RAF1: variants seen among roughly 807,000 people sequenced by gnomAD.
RAF1 encodes the protein RAF proto-oncogene serine/threonine-protein kinase.
Under a neutral mutation model 81.1 loss-of-function variants are expected in RAF1, and 27 were observed. That is an observed-to-expected ratio of 0.33 (90% CI 0.25 to 0.46). The LOEUF (loss-of-function observed/expected upper bound fraction) is 0.46, where lower values mean the gene tolerates loss of function less well. Among genes scored for constraint, RAF1 ranks in the 20% least tolerant of loss-of-function variants. The pLI is 1.00. For synonymous variants in RAF1, 298 were observed against 294.0 expected (o/e 1.01, Z -0.14); for missense variants, 598 against 826.0 (o/e 0.72, Z 3.38).
chr3:12,661,493 G>C (rs542859997), intron 1 of RAF1, among the ~76,000 whole-genome samples: 2 of 151,800 alleles, frequency 1.3e-5, no homozygotes, highest in African/African-American at 2.4e-5. Context: ...GATCTCTTGC[G>C]GTCAGGAGTT....
In RAF1 at chr3:12,584,117, T is replaced by G. The variant is rs979440304; in HGVS notation, c.*397A>C. 3.0e-6 allele frequency: 1 copy of G among 330,188 alleles called. No individual in the cohort carries two copies. Among genetic ancestry groups the G allele is most frequent in the African/African-American group, 2.0e-5 (1 of 49,170 alleles). The allele number at this position is 330,188 out of a possible 1,614,324, so 20.5% of individuals were successfully genotyped here. A position where few individuals can be genotyped will look rare whatever the true frequency, so the allele number is the denominator to read the frequency against. ...CTGTGACATGCATTCCTCCAGAAGC[T>G]GATTTCCAAAATCCCATGTGTCTCC... On this transcript the variant is annotated 3_prime_UTR_variant, in exon 18 of 18. Transcript: ENST00000442415.
chr3:12,653,429 T>C (rs1480680867), intron 1 of RAF1, among the ~76,000 whole-genome samples: 1 of 152,210 alleles, frequency 6.6e-6, no homozygotes, highest in Non-Finnish European at 1.5e-5. Flanking sequence ...GTCTCTCCAG[T>C]ACATTTCCTA....
intron 11 of RAF1, among the ~76,000 whole-genome samples, chr3:12,594,957 T>C (rs74660973): frequency 1.6e-3 from 237 of 152,322 alleles, no homozygotes; most frequent in Admixed American, 2.8e-3. Context: ...ATTCCCCTCA[T>C]TTACATATAA....
At chr3:12,642,224 G>T (rs1167870552) in intron 1 of RAF1, among the ~76,000 whole-genome samples, 3 of 151,630 alleles carry the variant, frequency 2.0e-5, no homozygotes, top group Admixed American at 6.6e-5. Flanking sequence ...GCTGAAGCGG[G>T]TGGATCATGA....
At chr3:12,613,401 C>A (rs2059275621) in intron 2 of RAF1, among the ~76,000 whole-genome samples, 1 of 152,038 alleles carries the variant, frequency 6.6e-6, no homozygotes, top group Non-Finnish European at 1.5e-5. Flanking sequence ...AGCCAGCCAA[C>A]CGCTCCCCCA....
chr3:12,615,668 G>A (rs2059348607), intron 2 of RAF1, among the ~76,000 whole-genome samples: 1 of 152,164 alleles, frequency 6.6e-6, no homozygotes, highest in Non-Finnish European at 1.5e-5. Context: ...CTTCTCATAA[G>A]CTGTAGGAGA....
chr3:12,600,185 T>G lies in RAF1; in HGVS notation c.1017A>C (p.Ala339=). 6.2e-7 allele frequency: 1 copy of G among 1,614,176 alleles called. No individual in the cohort carries two copies. The stretch of plus-strand genomic sequence containing the variant: ...TTTTCTCCTGGGTCCCAGATACTGG[T>G]GCCCGCTCTCTTTGTGCTGGCACGG... The change falls in exon 10 of 18, where the codon GCA becomes GCC. Residue 339 remains alanine (A), a synonymous_variant. Transcript: ENST00000442415.
chr3:12,653,981 C>CTTTTCT (rs1186071156), intron 1 of RAF1, among the ~76,000 whole-genome samples: 1 of 150,910 alleles, frequency 6.6e-6, no homozygotes, highest in Non-Finnish European at 1.5e-5. Context: ...GACTATTCAT[C>CTTTTCT]TTTTCTTTTT....
chr3:12,616,521 G>A (rs986690650), intron 2 of RAF1, among the ~76,000 whole-genome samples: 5 of 152,182 alleles, frequency 3.3e-5, no homozygotes, highest in Non-Finnish European at 5.9e-5. Context: ...TTTTTAGGAA[G>A]AGAGACAAAG....
At chr3:12,633,375 G>A (rs971928862) in intron 1 of RAF1, among the ~76,000 whole-genome samples, 2 of 151,668 alleles carry the variant, frequency 1.3e-5, no homozygotes, top group African/African-American at 4.8e-5. Context: ...CCCAGGTATA[G>A]GCTGAGGTGG....
At chr3:12,585,009 T>TG (rs750986651) in intron 16 of RAF1, 28 bp from the exon 16 acceptor site, 15 of 1,613,874 alleles carry the variant, frequency 9.3e-6, no homozygotes, top group East Asian at 4.5e-5. Context: ...GCTGAGCTAA[T>TG]GGGGGGTGAA....
intron 2 of RAF1, among the ~76,000 whole-genome samples, chr3:12,617,878 CA>C (rs1263362287): frequency 7.1e-4 from 64 of 90,076 alleles, no homozygotes; most frequent in Non-Finnish European, 1.2e-3. Context: ...GAATCCGTCT[CA>C]AAAAAAAAAA....
chr3:12,639,277 C>CAAAAACTGGAA (rs2060116733), intron 1 of RAF1, among the ~76,000 whole-genome samples: 1 of 152,096 alleles, frequency 6.6e-6, no homozygotes, highest in Non-Finnish European at 1.5e-5. Flanking sequence ...ACTGAATGGG[C>CAAAAACTGGAA]AAAAACTGGA....
intron 4 of RAF1, 139 bp from the exon 5 acceptor site, chr3:12,609,062 G>C (rs2125418095): frequency 8.7e-7 from 1 of 1,148,796 alleles, no homozygotes; most frequent in Admixed American, 2.0e-5. Context: ...TCACAAATTA[G>C]AGTATATCTC....
chr3:12,620,397 A>G (rs1009325519), intron 1 of RAF1, among the ~76,000 whole-genome samples: 1 of 152,126 alleles, frequency 6.6e-6, no homozygotes, highest in Non-Finnish European at 1.5e-5. Context: ...CTCCCAAATC[A>G]CGCCTGGGAT....
In RAF1 at chr3:12,623,516, G is replaced by A. The variant is rs1349604424; in HGVS notation, c.-26-4769C>T. Reference sequence around the variant, plus strand: ...CTTACAGCTTAAGAGGCAGGCTAAGGGTTGGGTGCGGGGGCTCACGCCTGT... The same window carrying A: ...CTTACAGCTTAAGAGGCAGGCTAAGAGTTGGGTGCGGGGGCTCACGCCTGT... On this transcript the variant is annotated intron_variant, in intron 1 of 17. Transcript: ENST00000442415. 4.0e-5 allele frequency among the ~76,000 whole-genome samples: 6 copies of A among 151,056 alleles called. No homozygotes were observed. In the East Asian group the frequency reaches 9.9e-4, roughly 25 times the overall value.
At chr3:12,618,796 C>T in intron 1 of RAF1, 49 bp from the exon 2 acceptor site, 3 of 1,372,590 alleles carry the variant, frequency 2.2e-6, no homozygotes, top group South Asian at 2.4e-5. Context: ...AGTATTCAAC[C>T]CAAGAACACA....
chr3:12,637,991 C>T (rs1347574662), intron 1 of RAF1, among the ~76,000 whole-genome samples: 1 of 152,176 alleles, frequency 6.6e-6, no homozygotes, highest in African/African-American at 2.4e-5. Context: ...ACCCATCAAA[C>T]AGGACCTCCC....
intron 1 of RAF1, among the ~76,000 whole-genome samples, chr3:12,641,704 T>G (rs1012890639): frequency 1.3e-5 from 2 of 152,004 alleles, no homozygotes; most frequent in African/African-American, 4.8e-5. Context: ...GTTGCACAAG[T>G]TGGTCTTGAA....
Sources: allele counts gnomAD v4.1 joint callset (sites outside exome capture counted in the v4.1 genomes callset), GRCh38; gene constraint gnomAD v4.1.1; transcripts MANE v1.5; gene names NCBI Gene and HGNC (gene_info 2026-07-23, HGNC 2026-07-21).